The following RGR variants were observed in gnomAD, a reference collection of about 807,000 sequenced individuals.
RGR encodes the protein RPE-retinal G protein-coupled receptor.
RGR carries 30 observed loss-of-function variants against 28.6 expected under a neutral mutation model. The observed-to-expected ratio is 1.05, with a 90% CI of 0.78 to 1.42. The LOEUF is 1.42. Ranked by LOEUF, RGR falls within the 40% of genes most tolerant of loss-of-function variation. The probability of loss-of-function intolerance (pLI) is 0.00; values close to 1 mark genes in which losing one functional copy is unlikely to be tolerated. For missense variants in RGR, 404 were observed against 375.6 expected, an observed-to-expected ratio of 1.08 and a Z score of -0.62; for synonymous variants, 180 against 156.4, an observed-to-expected ratio of 1.15 and a Z score of -1.13.
Position 84,248,494 on chromosome 10 carries a change from G to A in RGR, c.237-428G>A, listed in dbSNP as rs550537814. The stretch of plus-strand genomic sequence containing the variant: ...ATCAGTGAGAACTCTTCCTCCCACA[G>A]AGAATTGAAGTTTCCACCTTTGCTT... On this transcript the variant is annotated intron_variant, in intron 2 of 6. Coordinates refer to ENST00000652092, the MANE Select transcript of RGR (RefSeq NM_001012720.2). 1.5e-4 allele frequency: 45 copies of A among 300,048 alleles called. No individual in the cohort carries two copies. In the Admixed American group the frequency reaches 2.0e-3, roughly 14 times the overall value. The allele number at this position is 300,048 out of a possible 1,614,324, so 18.6% of individuals were successfully genotyped here.
intron 1 of RGR, 57 bp downstream of exon 1, chr10:84,245,226 G>A: frequency 6.4e-7 from 1 of 1,551,256 alleles, no homozygotes; most frequent in Non-Finnish European, 8.9e-7. Context: ...GAGGACCCAG[G>A]CCACCAGTGT....
At chr10:84,255,355 C>T (rs1344599117) in intron 5 of RGR, 1 of 152,320 alleles carries the variant, frequency 6.6e-6, no homozygotes, top group Non-Finnish European at 1.5e-5. Context: ...CTACTGGACA[C>T]ATCCGTGCTG....
chr10:84,248,313 A>G, intron 2 of RGR: 2 of 551,732 alleles, frequency 3.6e-6, no homozygotes, highest in Non-Finnish European at 5.2e-6. Flanking sequence ...CTCCTTATAC[A>G]AAAACCAGGG....
At position 84,258,547 on chromosome 10, in the gene RGR, G is replaced by GCC. The variant is rs770085833; in HGVS notation, c.785_786dup (p.Ile263ProfsTer37). The GCC allele has an allele frequency of 1.4e-5, 22 of 1,614,070 alleles. No homozygotes were observed. The African/African-American group carries it at 2.9e-4, about 22-fold the overall frequency. On this transcript the variant is annotated frameshift_variant, in exon 7 of 7. Coordinates refer to ENST00000652092, the MANE Select transcript of RGR (RefSeq NM_001012720.2). LOFTEE classifies it low-confidence loss of function (END_TRUNC). ...TGCCAAAATGGTGCCCACGATCAAT[G>GCC]CCATCAACTATGCCCTGGGCAATGA...
Position 84,257,966 on chromosome 10 carries a change from T to C in RGR, c.704T>C (p.Val235Ala). The stretch of plus-strand genomic sequence containing the variant: ...TATGCCATCCTGTATCTATACGCAG[T>C]CATCGCAGACGTGACTTCCATCTCC... ...GPYAILYLYAVIADVTSISPK... is the reference protein window; with the variant it reads ...GPYAILYLYAAIADVTSISPK... The change falls in exon 6 of 7, where the codon GTC becomes GCC. Residue 235 changes from valine (V) to alanine (A), a missense_variant. Physicochemically the swap from Val to Ala is moderately conservative, Grantham distance 64. Coordinates refer to ENST00000652092, the MANE Select transcript of RGR (RefSeq NM_001012720.2). 6.2e-7 allele frequency: 1 copy of C among 1,614,208 alleles called. No individual in the cohort carries two copies. The highest frequency in any genetic ancestry group is 8.5e-7 in the Non-Finnish European group (1 of 1,180,034).
Position 84,257,882 on chromosome 10 carries a change from T to C in RGR, c.631-11T>C. 1 of 1,613,028 alleles carries C rather than the reference T, an allele frequency of 6.2e-7. No individual in the cohort carries two copies. The highest frequency in any genetic ancestry group is 8.5e-7 in the Non-Finnish European group (1 of 1,179,306). On this transcript the variant is annotated splice_polypyrimidine_tract_variant and intron_variant, in intron 5 of 6. Transcript: ENST00000652092. ...AGCAAGCTGACATCTCCTGTGACAA[T>C]TTCTCCCCAGGTAAACACCACTCTG...
At position 84,258,505 on chromosome 10, in the gene RGR, C is replaced by A. The variant is rs766477578; in HGVS notation, c.745-3C>A. 6.2e-7 allele frequency: 1 copy of A among 1,614,234 alleles called. No homozygotes were observed. On this transcript the variant is annotated splice_polypyrimidine_tract_variant and splice_region_variant and intron_variant, in intron 6 of 6. Coordinates refer to ENST00000652092, the MANE Select transcript of RGR (RefSeq NM_001012720.2). Reference sequence around the variant, plus strand: ...TCTTTTCTGGACTTTTCTGCCACAACAGGTGCCCGCCCTCATTGCCAAAAT... The same window carrying A: ...TCTTTTCTGGACTTTTCTGCCACAAAAGGTGCCCGCCCTCATTGCCAAAAT...
rs1182311979 is a variant in RGR, at chr10:84,258,728, C to T, written c.*89C>T. On this transcript the variant is annotated 3_prime_UTR_variant, in exon 7 of 7. Transcript: ENST00000652092. ...CAGTGGCCAAGCCCAGACACTCACCCACCTTCCCCAGTGGCCCCGTGGATC... is the reference window on the plus strand; with the variant it reads ...CAGTGGCCAAGCCCAGACACTCACCTACCTTCCCCAGTGGCCCCGTGGATC... 3 of 1,580,386 alleles carry T rather than the reference C, an allele frequency of 1.9e-6. No individual in the cohort carries two copies. The highest frequency in any genetic ancestry group is 2.6e-6 in the Non-Finnish European group (3 of 1,159,088).
rs775853992 is a variant in RGR at position 84,258,640 on chromosome 10, G to GCTTGCCAC, written c.*2_*3insTTGCCACC. On this transcript the variant is annotated 3_prime_UTR_variant, in exon 7 of 7. Transcript: ENST00000652092. ...GAGGGAGAAGGACCGAACCAAGTGA[G>GCTTGCCAC]CCTGCCACCCTGGAGTGAGCCCCAG... 6.2e-7 allele frequency: 1 copy of GCTTGCCAC among 1,614,132 alleles called. No individual in the cohort carries two copies. Among genetic ancestry groups the GCTTGCCAC allele is most frequent in the African/African-American group, 1.3e-5 (1 of 75,052 alleles).
chr10:84,250,153 C>T (rs948656715), intron 3 of RGR, among the ~76,000 whole-genome samples: 9 of 152,110 alleles, frequency 5.9e-5, no homozygotes, highest in African/African-American at 1.9e-4. Flanking sequence ...CAGCTTGCCT[C>T]GCTACTAAGG....
chr10:84,256,666 T>G (rs558778457), intron 5 of RGR, among the ~76,000 whole-genome samples: 24 of 152,332 alleles, frequency 1.6e-4, no homozygotes, highest in African/African-American at 5.0e-4. Context: ...GGCTCCCAGC[T>G]GGCTGCTGGC....
intron 2 of RGR, chr10:84,248,685 C>T: frequency 1.6e-6 from 1 of 632,220 alleles, no homozygotes; most frequent in Non-Finnish European, 2.8e-6. Context: ...GCAGAGAGAG[C>T]CTATGGCCCA....
At chr10:84,250,059 T>C (rs12780894) in intron 3 of RGR, among the ~76,000 whole-genome samples, 42,283 of 152,042 alleles carry the variant, frequency 0.28, 7,547 homozygotes, top group African/African-American at 0.5. Flanking sequence ...TACATAAACA[T>C]GTTTTGGGGA....
chr10:84,255,439 G>A (rs10788336), intron 5 of RGR: 26,412 of 152,150 alleles, frequency 0.17, 2,426 homozygotes, highest in Admixed American at 0.23. Context: ...CTTTTAAACC[G>A]CTTTGAGATG....
intron 5 of RGR, among the ~76,000 whole-genome samples, chr10:84,255,842 A>G (rs920627232): frequency 8.8e-5 from 13 of 147,038 alleles, no homozygotes; most frequent in African/African-American, 3.0e-4. Context: ...CTCCTGCCTC[A>G]GCTTCCCGAG....
chr10:84,254,635 A>G (rs1472587823), intron 5 of RGR, among the ~76,000 whole-genome samples, 192 bp downstream of exon 5: 1 of 152,210 alleles, frequency 6.6e-6, no homozygotes, highest in African/African-American at 2.4e-5. Context: ...GCGAAGTGAG[A>G]TCAGCACCAG....
chr10:84,252,802 C>T (rs1326730185), intron 3 of RGR, 55 bp from the exon 4 acceptor site: 1 of 1,608,046 alleles, frequency 6.2e-7, no homozygotes, highest in Non-Finnish European at 8.5e-7. Flanking sequence ...TTCTTTCTCA[C>T]TCTATCAGGC....
Position 84,252,838 on chromosome 10 carries a change from C to T in RGR, c.359-19C>T. The T allele has an allele frequency of 6.2e-7, 1 of 1,614,070 alleles. No individual in the cohort carries two copies. Among genetic ancestry groups the T allele is most frequent in the Middle Eastern group, 1.6e-4 (1 of 6,062 alleles). ...CATCTCCTCCTCACAACCTCCTCTT[C>T]TTCCTCTGTCCTGTGCAGGTAGCCA... On this transcript the variant is annotated intron_variant, in intron 3 of 6. Coordinates refer to ENST00000652092, the MANE Select transcript of RGR (RefSeq NM_001012720.2).
chr10:84,252,699 G>T (rs1475845379), intron 3 of RGR, among the ~76,000 whole-genome samples, 158 bp from the exon 4 acceptor site: 1 of 152,186 alleles, frequency 6.6e-6, no homozygotes, highest in African/African-American at 2.4e-5. Context: ...CCTTCTGGCA[G>T]GATGTAGTGG....
Sources: gnomAD v4.1 joint callset for allele counts (sites outside exome capture counted in the v4.1 genomes callset) on GRCh38, gnomAD v4.1.1 for gene constraint, MANE v1.5 for transcripts, NCBI Gene and HGNC (gene_info 2026-07-23, HGNC 2026-07-21) for gene names.